The following NPSR1 variants were observed in gnomAD, a reference collection of about 807,000 sequenced individuals.
NPSR1 encodes neuropeptide S receptor.
In NPSR1, 48 loss-of-function variants were observed where a neutral mutation model predicts 46.9. The observed-to-expected ratio is 1.02, with a 90% confidence interval of 0.81 to 1.30. The LOEUF (loss-of-function observed/expected upper bound fraction) is 1.30. Ranked by LOEUF, NPSR1 falls within the 50% of genes most tolerant of loss-of-function variation. The pLI, the probability that NPSR1 is intolerant of heterozygous loss-of-function variation, is 0.00. For synonymous variants in NPSR1, 176 were observed against 168.1 expected, an observed-to-expected ratio of 1.05 and a Z score of -0.36; for missense variants, 450 against 449.5, an observed-to-expected ratio of 1.00 and a Z score of -0.01.
At chr7:34,863,626 G>A (rs1306118295) in intron 8 of NPSR1, among the ~76,000 whole-genome samples, 2 of 151,804 alleles carry the variant, frequency 1.3e-5, no homozygotes, top group African/African-American at 4.9e-5. Context: ...TATGAAAAAA[G>A]TTCATCATCA....
intron 4 of NPSR1, among the ~76,000 whole-genome samples, chr7:34,826,769 T>A (rs919029344): frequency 2.6e-5 from 4 of 151,830 alleles, no homozygotes; most frequent in African/African-American, 7.3e-5. Context: ...ATATTGCAAC[T>A]AAAGTCCAGT....
In NPSR1 at chr7:34,792,665, TTA is replaced by T. The variant is rs201284297; in HGVS notation, c.384+14108_384+14109del. Among the ~76,000 whole-genome samples the T allele has an allele frequency of 2.3e-3, 179 of 78,720 alleles. 2 individuals carry two copies. In the East Asian group the frequency reaches 0.037, roughly 16 times the overall value. The allele number at this position is 78,720 out of a possible 152,430, so 51.6% of individuals were successfully genotyped here. A position where few individuals can be genotyped will look rare whatever the true frequency, so the allele number is the denominator to read the frequency against. On this transcript the variant is annotated intron_variant, in intron 3 of 8. Transcript: ENST00000360581. ...TGTATATATATATGTATATATATAT[TTA>T]TATATATGTATATATATATATGTAT...
intron 2 of NPSR1, among the ~76,000 whole-genome samples, chr7:34,756,268 G>C (rs910861349): frequency 9.9e-5 from 15 of 152,178 alleles, no homozygotes; most frequent in African/African-American, 3.6e-4. Flanking sequence ...TGAAAGAAAG[G>C]AATCTGTTCC....
intron 2 of NPSR1, among the ~76,000 whole-genome samples, chr7:34,755,772 C>T (rs1015271274): frequency 1.2e-4 from 18 of 151,890 alleles, no homozygotes; most frequent in Admixed American, 3.3e-4. Flanking sequence ...TCCTTCCCTA[C>T]TGACAAGCAG....
intron 2 of NPSR1, among the ~76,000 whole-genome samples, chr7:34,736,576 G>GCTTA (rs368092664): frequency 6.5e-4 from 98 of 151,730 alleles, no homozygotes; most frequent in African/African-American, 2.3e-3. Flanking sequence ...TACTCTCCTT[G>GCTTA]CTTACTTACT....
chr7:34,665,954 C>G (rs142089034), intron 1 of NPSR1, among the ~76,000 whole-genome samples: 23 of 152,284 alleles, frequency 1.5e-4, no homozygotes, highest in African/African-American at 5.5e-4. Context: ...GACTGACACA[C>G]AGCAGATAAA....
chr7:34,869,277 T>C (rs1562780062), intron 8 of NPSR1, among the ~76,000 whole-genome samples: 1 of 151,616 alleles, frequency 6.6e-6, no homozygotes, highest in Non-Finnish European at 1.5e-5. Flanking sequence ...AATGAAACGA[T>C]TCAAGTGAAA....
chr7:34,852,658 G>T (rs1424030906), downstream of NPSR1, among the ~76,000 whole-genome samples: 1 of 152,154 alleles, frequency 6.6e-6, no homozygotes, highest in Non-Finnish European at 1.5e-5. Flanking sequence ...TCCCAACTGA[G>T]AAATGCAGTT....
intron 2 of NPSR1, among the ~76,000 whole-genome samples, chr7:34,753,269 A>T (rs1002845556): frequency 6.6e-6 from 1 of 152,210 alleles, no homozygotes; most frequent in Non-Finnish European, 1.5e-5. Context: ...AAGCCCAGAA[A>T]TACGAGACTG....
intron 4 of NPSR1, among the ~76,000 whole-genome samples, chr7:34,812,273 T>C (rs1254678080): frequency 2.0e-5 from 3 of 152,086 alleles, no homozygotes; most frequent in Admixed American, 2.0e-4. Flanking sequence ...GTTCTCCTTA[T>C]CCAAAACCAT....
At position 34,849,774 on chromosome 7, in the gene NPSR1, G is replaced by C; in HGVS notation, c.*119G>C. 1 of 1,524,656 alleles carries C rather than the reference G, an allele frequency of 6.6e-7. No homozygotes were observed. Among genetic ancestry groups the C allele is most frequent in the South Asian group, 1.3e-5 (1 of 77,442 alleles). The allele number at this position is 1,524,656 out of a possible 1,614,324, so 94.4% of individuals were successfully genotyped here. ...TCACCCCACCCTCGTCATTACCTGG[G>C]AGATGCACAAGACAAATGTTCTAAT... On this transcript the variant is annotated 3_prime_UTR_variant, in exon 9 of 9. Transcript: ENST00000360581.
intron 2 of NPSR1, chr7:34,752,008 A>G: frequency 2.5e-6 from 2 of 796,750 alleles, no homozygotes; most frequent in Admixed American, 1.9e-5. Flanking sequence ...ATGGCATGGC[A>G]CACCTGCTGG....
intron 4 of NPSR1, among the ~76,000 whole-genome samples, chr7:34,818,403 G>T (rs10255187): frequency 0.022 from 3,363 of 152,076 alleles, 50 homozygotes; most frequent in Non-Finnish European, 0.035. Flanking sequence ...AAACCACTGC[G>T]CAAGGAAATA....
intron 2 of NPSR1, among the ~76,000 whole-genome samples, chr7:34,697,828 A>T (rs1793609490): frequency 1.3e-5 from 2 of 152,074 alleles, no homozygotes; most frequent in African/African-American, 4.8e-5. Context: ...TAGAATTATT[A>T]GAACAAGTAA....
chr7:34,793,914 G>T (rs143758400), intron 3 of NPSR1, among the ~76,000 whole-genome samples: 1 of 152,298 alleles, frequency 6.6e-6, no homozygotes, highest in East Asian at 1.9e-4. Flanking sequence ...TGTTTCATCT[G>T]TGACAACATA....
intron 2 of NPSR1, among the ~76,000 whole-genome samples, chr7:34,708,338 T>C (rs1337270720): frequency 2.0e-5 from 3 of 152,230 alleles, no homozygotes; most frequent in Admixed American, 2.0e-4. Context: ...TATAGGGTCA[T>C]ATTTGAACTA....
chr7:34,805,500 A>AAAC (rs1428445637), intron 3 of NPSR1, among the ~76,000 whole-genome samples: 1 of 151,116 alleles, frequency 6.6e-6, no homozygotes, highest in African/African-American at 2.4e-5. Context: ...AAAAAAAAAA[A>AAAC]ACTTAATGTA....
chr7:34,834,267 G>C lies in NPSR1; in HGVS notation c.681-117G>C, dbSNP rs1172484051. The C allele has an allele frequency of 2.5e-5, 19 of 758,162 alleles. 1 individual carries two copies. The highest frequency in any genetic ancestry group is 4.0e-5 in the Non-Finnish European group (17 of 422,596). The allele number at this position is 758,162 out of a possible 1,614,324, so 47.0% of individuals were successfully genotyped here. A position where few individuals can be genotyped will look rare whatever the true frequency, so the allele number is the denominator to read the frequency against. On this transcript the variant is annotated intron_variant, in intron 5 of 8. Transcript: ENST00000360581. ...ACAGCAAGTATAAGGGGGCAGGCAT[G>C]GTTAAAAGATCTGTCCCTTCACACC...
intron 2 of NPSR1, among the ~76,000 whole-genome samples, chr7:34,767,903 C>T (rs1366723088): frequency 6.6e-6 from 1 of 151,908 alleles, no homozygotes; most frequent in East Asian, 1.9e-4. Context: ...TTAAAGAATA[C>T]AAAATTACAG....
Sources: allele counts gnomAD v4.1 joint callset (sites outside exome capture counted in the v4.1 genomes callset), GRCh38; gene constraint gnomAD v4.1.1; transcripts MANE v1.5; gene names NCBI Gene and HGNC (gene_info 2026-07-23, HGNC 2026-07-21).